The following CEP72 variants were observed in gnomAD, a reference collection of about 807,000 sequenced individuals.
The protein encoded by CEP72 is centrosomal protein of 72 kDa.
CEP72 carries 78 observed loss-of-function variants against 65.7 expected under a neutral mutation model. The observed-to-expected ratio is 1.19, with a 90% CI of 0.99 to 1.43. CEP72 has a LOEUF of 1.43. CEP72 is among the 40% of genes most tolerant of loss of function. The pLI is 0.00. For synonymous variants in CEP72, 358 were observed against 351.7 expected (o/e 1.02, Z -0.20); for missense variants, 914 against 832.9 (o/e 1.10, Z -1.20).
At chr5:633,401 G>T (rs1737349295) in intron 4 of CEP72, among the ~76,000 whole-genome samples, 1 of 140,880 alleles carries the variant, frequency 7.1e-6, no homozygotes, top group Admixed American at 7.5e-5. Context: ...ATTTGACCCA[G>T]TCCTGGTGGG....
downstream of CEP72, chr5:659,848 G>A (rs1389084777): frequency 1.3e-5 from 2 of 152,416 alleles, no homozygotes; most frequent in African/African-American, 4.8e-5. Context: ...CGTGTGCTCT[G>A]AGGAACAGAG....
chr5:645,882 T>C lies in CEP72; in HGVS notation c.1666+1457T>C, dbSNP rs1738382212. 6.6e-6 allele frequency among the ~76,000 whole-genome samples: 1 copy of C among 152,236 alleles called. No individual in the cohort carries two copies. Among genetic ancestry groups the C allele is most frequent in the African/African-American group, 2.4e-5 (1 of 41,468 alleles). On this transcript the variant is annotated intron_variant, in intron 10 of 11. Coordinates refer to ENST00000264935, the MANE Select transcript of CEP72 (RefSeq NM_018140.4). This position sits in a 1 kb window ranked among gnomAD's most constrained non-coding sequence, Gnocchi z 4.0. ...CTAGAAATTGCTGTGTGAGCGTCAC[T>C]CCTGCTCCCGTCGGCGGCCTGTGTG...
At chr5:649,172 GGACTGTGAGGTGT>G (rs1473361327) in intron 11 of CEP72, among the ~76,000 whole-genome samples, 11 of 115,900 alleles carry the variant, frequency 9.5e-5, no homozygotes, top group East Asian at 2.5e-4. Flanking sequence ...TGTGAGGTGT[GGACTGTGAGGTGT>G]GACTGTGAGG....
At chr5:649,552 A>C (rs1390557400) in intron 11 of CEP72, among the ~76,000 whole-genome samples, 1 of 103,902 alleles carries the variant, frequency 9.6e-6, no homozygotes, top group Non-Finnish European at 1.9e-5. Flanking sequence ...TGTGACTGTG[A>C]GGTGTGACTG....
chr5:674,310 C>T, the CEP72 span, among the ~76,000 whole-genome samples: 1 of 152,214 alleles, frequency 6.6e-6, no homozygotes, highest in Non-Finnish European at 1.5e-5. Flanking sequence ...GGGCTGGGTC[C>T]CCTCCAAACA....
the CEP72 span, among the ~76,000 whole-genome samples, chr5:672,311 C>T: frequency 7.9e-5 from 12 of 152,322 alleles, no homozygotes; most frequent in East Asian, 2.3e-3. Context: ...GCCCTGGCTT[C>T]CTTCTAACCA....
intron 3 of CEP72, among the ~76,000 whole-genome samples, chr5:622,313 TGAG>T (rs1340011958): frequency 1.3e-5 from 2 of 152,244 alleles, no homozygotes; most frequent in African/African-American, 2.4e-5. Flanking sequence ...AAAAGTGACT[TGAG>T]GAGCTGACAG....
At chr5:670,804 G>A (rs988138826), downstream of CEP72, among the ~76,000 whole-genome samples, 1 of 152,176 alleles carries the variant, frequency 6.6e-6, no homozygotes, top group Non-Finnish European at 1.5e-5. Flanking sequence ...GACAGAGGTC[G>A]GTGGCAAGCC....
chr5:627,709 AT>A (rs1167517636), intron 4 of CEP72, among the ~76,000 whole-genome samples: 1 of 152,186 alleles, frequency 6.6e-6, no homozygotes, highest in Non-Finnish European at 1.5e-5. Context: ...ATTGTTTCAA[AT>A]TTTTTCTCTT....
At chr5:625,483 A>G (rs1333803299) in intron 4 of CEP72, among the ~76,000 whole-genome samples, 7 of 152,224 alleles carry the variant, frequency 4.6e-5, no homozygotes, top group Non-Finnish European at 8.8e-5. Context: ...GGAGGCAGCC[A>G]TTGGCAGCAC....
intron 4 of CEP72, among the ~76,000 whole-genome samples, chr5:628,626 G>T (rs2455337): frequency 1.0e-5 from 1 of 98,336 alleles, no homozygotes; most frequent in Admixed American, 1.1e-4. Context: ...CGCAGTCCCC[G>T]GGGAGTGGCC....
downstream of CEP72, chr5:660,141 A>G (rs755165290): frequency 2.0e-5 from 3 of 152,262 alleles, no homozygotes; most frequent in Non-Finnish European, 4.4e-5. Flanking sequence ...CACCCGTCAC[A>G]CTGATAAAGT....
chr5:660,530 C>T (rs1019304082), downstream of CEP72: 2 of 152,404 alleles, frequency 1.3e-5, no homozygotes, highest in East Asian at 1.9e-4. Flanking sequence ...GGTCCAGCCT[C>T]ATCTTCCCCC....
the CEP72 span, among the ~76,000 whole-genome samples, chr5:673,808 G>T: frequency 6.6e-6 from 1 of 152,218 alleles, no homozygotes; most frequent in Non-Finnish European, 1.5e-5. Context: ...AACAGGCCCA[G>T]ACCAGCTGGG....
chr5:624,630 G>C lies in CEP72; in HGVS notation c.512+51G>C. On this transcript the variant is annotated intron_variant, in intron 4 of 11. Coordinates refer to ENST00000264935, the MANE Select transcript of CEP72 (RefSeq NM_018140.4). This position sits in a 1 kb window ranked among gnomAD's most constrained non-coding sequence, Gnocchi z 4.7. The stretch of plus-strand genomic sequence containing the variant: ...CCAGAGTGTTTCTGACTGGCCTGCT[G>C]TCAGGAGGATTAACCGAACGTCATT... The C allele has an allele frequency of 7.7e-7, 1 of 1,297,326 alleles. No homozygotes were observed. The highest frequency in any genetic ancestry group is 1.2e-5 in the South Asian group (1 of 84,612). 80.4% of individuals were successfully genotyped at this position (1,297,326 alleles called of 1,614,324 possible). A position where few individuals can be genotyped will look rare whatever the true frequency, so the allele number is the denominator to read the frequency against.
chr5:624,548 G>A lies in CEP72; in HGVS notation c.481G>A (p.Glu161Lys), dbSNP rs1736617744. 5.0e-6 allele frequency: 8 copies of A among 1,613,956 alleles called. No individual in the cohort carries two copies. The highest frequency in any genetic ancestry group is 5.9e-6 in the Non-Finnish European group (7 of 1,179,802). Residue 161 changes from glutamate to lysine, a missense_variant, in exon 4 of 12, where the codon GAG becomes AAG. By Grantham distance (56) the Glu-to-Lys change is moderately conservative. Transcript: ENST00000264935. This position sits in a 1 kb window ranked among gnomAD's most constrained non-coding sequence, Gnocchi z 4.7. ...ATCAGAGGACTCACTCGACTCCAAA[G>A]AGAGCGTCCCAGCTTCTTTGAAAGA... ...FASEDSLDSK[E>K]SVPASLKEGR... is the part of the protein sequence containing the mutation.
At chr5:639,579 C>G (rs1375200620) in intron 8 of CEP72, among the ~76,000 whole-genome samples, 2 of 152,212 alleles carry the variant, frequency 1.3e-5, no homozygotes, top group African/African-American at 4.8e-5. Context: ...TCTTCTCCCC[C>G]GACCCAGACG....
downstream of CEP72, among the ~76,000 whole-genome samples, chr5:669,836 AG>A (rs1740139909): frequency 6.6e-6 from 1 of 151,958 alleles, no homozygotes; most frequent in Admixed American, 6.5e-5. Context: ...CAGGAGTTCT[AG>A]GACAGCGGTG....
chr5:623,111 G>A lies in CEP72; in HGVS notation c.404-1360G>A, dbSNP rs186856844. On this transcript the variant is annotated intron_variant, in intron 3 of 11. Transcript: ENST00000264935. The surrounding 1 kb of genome is among the most constrained non-coding windows in gnomAD (Gnocchi z 5.3). Reference sequence around the variant, plus strand: ...AAGGAGCGCGACCGTCTCCCTCTTAGTGTTTCTGCAGAGAGTTTCTGCAGA... The same window carrying A: ...AAGGAGCGCGACCGTCTCCCTCTTAATGTTTCTGCAGAGAGTTTCTGCAGA... Among the ~76,000 whole-genome samples, 2 of 150,618 alleles carry A rather than the reference G, an allele frequency of 1.3e-5. No homozygotes were observed. The highest frequency in any genetic ancestry group is 3.0e-5 in the Non-Finnish European group (2 of 67,782).
Sources: gnomAD v4.1 joint callset for allele counts (sites outside exome capture counted in the v4.1 genomes callset) on GRCh38, gnomAD v4.1.1 for gene constraint, Gnocchi (gnomAD v3.1) non-coding constraint, MANE v1.5 for transcripts, NCBI Gene and HGNC (gene_info 2026-07-23, HGNC 2026-07-21) for gene names.